Variants in SYNE2 observed in about 807,000 individuals in gnomAD.
SYNE2 encodes spectrin repeat containing nuclear envelope protein 2.
SYNE2 carries 431 observed loss-of-function variants against 856.3 expected under a neutral mutation model. The ratio of observed to expected loss-of-function variants is 0.50; its 90% CI spans 0.47 to 0.55. The LOEUF (loss-of-function observed/expected upper bound fraction) is 0.55. Among genes scored for constraint, SYNE2 ranks in the 20% least tolerant of loss-of-function variants. The probability of loss-of-function intolerance (pLI) is 0.00; values close to 1 mark genes in which losing one functional copy is unlikely to be tolerated. For missense variants in SYNE2, 8,129 were observed against 8,023.2 expected (o/e 1.01, Z -0.50); for synonymous variants, 2,923 against 2,872.3 (o/e 1.02, Z -0.56).
chr14:63,886,199 A>C (rs1305197472), intron 1 of SYNE2, among the ~76,000 whole-genome samples: 1 of 152,236 alleles, frequency 6.6e-6, no homozygotes, highest in African/African-American at 2.4e-5. Flanking sequence ...AAAAACATAC[A>C]TACAGGGAAA....
intron 94 of SYNE2, among the ~76,000 whole-genome samples, chr14:64,171,890 G>T (rs570417853): frequency 4.6e-5 from 7 of 152,090 alleles, no homozygotes; most frequent in African/African-American, 1.7e-4. Context: ...TCACTCTGTC[G>T]CCCAGGCTGG....
At chr14:64,023,851 G>C in intron 38 of SYNE2, 1 of 219,550 alleles carries the variant, frequency 4.6e-6, no homozygotes, top group Middle Eastern at 1.8e-3. Flanking sequence ...TTTTTTGTTT[G>C]CTTGTTTGCC....
At chr14:63,795,119 C>T (rs985014889) in intron 1 of SYNE2, among the ~76,000 whole-genome samples, 7 of 151,988 alleles carry the variant, frequency 4.6e-5, no homozygotes, top group East Asian at 1.9e-4. Flanking sequence ...ATGGTTAATA[C>T]TGAGTGTCAA....
chr14:64,101,762 T>C (rs761321677), intron 63 of SYNE2, among the ~76,000 whole-genome samples, 170 bp from the exon 64 acceptor site: 7 of 152,082 alleles, frequency 4.6e-5, no homozygotes, highest in Non-Finnish European at 7.4e-5. Context: ...AAACATGATA[T>C]AGTTAGTAAA....
chr14:64,175,009 G>C lies in SYNE2; in HGVS notation c.17301G>C (p.Lys5767Asn), dbSNP rs1341403946. 1 of 1,614,114 alleles carries C rather than the reference G, an allele frequency of 6.2e-7. No individual in the cohort carries two copies. The highest frequency in any genetic ancestry group is 8.5e-7 in the Non-Finnish European group (1 of 1,180,022). Residue 5767 changes from lysine (K) to asparagine (N), a missense_variant, in exon 95 of 116, where the codon AAG becomes AAC. By Grantham distance (94) the Lys-to-Asn change is moderately conservative. Around this residue, in one of 3 missense-constraint regions of SYNE2, gnomAD observed 5,410 missense variants for 5,284.8 expected, o/e 1.02. Coordinates refer to ENST00000555002, the MANE Select transcript of SYNE2 (RefSeq NM_182914.3). ...CCCTAACCTTGGAAGCTGGAGAAAA[G>C]TTACTGCTCACAACTGACCTGAAAA... ...TCALTLEAGE[K>N]LLLTTDLKTK...
chr14:64,064,951 G>T (rs560396652), intron 50 of SYNE2, among the ~76,000 whole-genome samples: 2 of 150,720 alleles, frequency 1.3e-5, no homozygotes, highest in South Asian at 4.2e-4. Context: ...TGCAACCTGT[G>T]CCTCCCAGGT....
chr14:63,830,200 A>G (rs1238515003), intron 1 of SYNE2, among the ~76,000 whole-genome samples: 1 of 151,650 alleles, frequency 6.6e-6, no homozygotes, highest in Non-Finnish European at 1.5e-5. Flanking sequence ...TGGAAAGTAG[A>G]TTAGTAGTGG....
chr14:64,038,435 G>C, intron 45 of SYNE2, among the ~76,000 whole-genome samples: 1 of 152,250 alleles, frequency 6.6e-6, no homozygotes. Context: ...CTTCCCAGAC[G>C]GGGTGGCGGC....
intron 67 of SYNE2, 28 bp downstream of exon 67, chr14:64,119,637 A>T: frequency 2.5e-6 from 4 of 1,610,892 alleles, no homozygotes; most frequent in Non-Finnish European, 3.4e-6. Flanking sequence ...ATGGACATTC[A>T]TCTTGATACA....
At chr14:63,788,483 C>G (rs1002713976) in intron 1 of SYNE2, among the ~76,000 whole-genome samples, 4 of 152,158 alleles carry the variant, frequency 2.6e-5, no homozygotes, top group Non-Finnish European at 5.9e-5. Flanking sequence ...CCGGCCCACA[C>G]AAGAGCACAG....
At chr14:63,778,761 C>G (rs985052461) in intron 1 of SYNE2, among the ~76,000 whole-genome samples, 6 of 152,026 alleles carry the variant, frequency 3.9e-5, no homozygotes, top group Non-Finnish European at 7.4e-5. Flanking sequence ...GTAATCCACC[C>G]ACACTGGCCT....
intron 52 of SYNE2, 104 bp downstream of exon 52, chr14:64,071,014 G>C: frequency 8.3e-7 from 1 of 1,208,040 alleles, no homozygotes; most frequent in Non-Finnish European, 1.2e-6. Flanking sequence ...CAATAGAATT[G>C]AGGTGAGACA....
chr14:63,933,464 C>A (rs2095791662), intron 2 of SYNE2, among the ~76,000 whole-genome samples: 1 of 152,178 alleles, frequency 6.6e-6, no homozygotes, highest in Admixed American at 6.5e-5. Flanking sequence ...CAAAAGCAGA[C>A]TGAATCAGAA....
intron 14 of SYNE2, among the ~76,000 whole-genome samples, chr14:63,980,226 T>C (rs1164462032): frequency 6.6e-6 from 1 of 152,218 alleles, no homozygotes; most frequent in Non-Finnish European, 1.5e-5. Flanking sequence ...GAAATGTTTT[T>C]GTGTGATGGA....
chr14:64,140,658 T>G (rs2098131925), intron 80 of SYNE2, among the ~76,000 whole-genome samples: 1 of 152,236 alleles, frequency 6.6e-6, no homozygotes, highest in Non-Finnish European at 1.5e-5. Context: ...TTTATAAGGT[T>G]ATTAACTTAT....
intron 98 of SYNE2, 114 bp from the exon 99 acceptor site, chr14:64,189,957 C>T (rs1161773370): frequency 1.3e-5 from 16 of 1,230,240 alleles, no homozygotes; most frequent in African/African-American, 1.7e-5. Context: ...GCCACTATGC[C>T]TGGCCAATTT....
At chr14:64,189,127 A>G in intron 98 of SYNE2, 1 of 614,880 alleles carries the variant, frequency 1.6e-6, no homozygotes, top group East Asian at 2.7e-5. Flanking sequence ...TGAGGTCAAG[A>G]GTTCAAGACC....
At chr14:64,090,267 A>G (rs2097598774) in intron 59 of SYNE2, among the ~76,000 whole-genome samples, 1 of 152,190 alleles carries the variant, frequency 6.6e-6, no homozygotes, top group African/African-American at 2.4e-5. Flanking sequence ...CTCACCTGTG[A>G]AATGGAGGTT....
rs759908590 is a variant in SYNE2 at position 64,062,846 on chromosome 14, C to T, written c.10163C>T (p.Ser3388Leu). The stretch of plus-strand genomic sequence containing the variant: ...ACAGTTCTTGGACAGTCCATGTCCT[C>T]GTTGCCACTGTCTTACAGAGAAGCT... Reference protein sequence around the residue: ...METVLGQSMSSLPLSYREALE... With the variant: ...METVLGQSMSLLPLSYREALE... Residue 3388 changes from serine to leucine, a missense_variant, in exon 50 of 116, where the codon TCG becomes TTG. Coordinates refer to ENST00000555002, the MANE Select transcript of SYNE2 (RefSeq NM_182914.3). 27 of 1,614,142 alleles carry T rather than the reference C, an allele frequency of 1.7e-5. No individual in the cohort carries two copies. The highest frequency in any genetic ancestry group is 1.6e-4 in the Middle Eastern group (1 of 6,062).
Sources: gnomAD v4.1 joint callset for allele counts (sites outside exome capture counted in the v4.1 genomes callset) on GRCh38, gnomAD v4.1.1 for gene constraint, gnomAD v4.1.1 regional missense constraint, MANE v1.5 for transcripts, NCBI Gene and HGNC (gene_info 2026-07-23, HGNC 2026-07-21) for gene names.